Variants in PLEKHM3 observed in about 807,000 individuals in gnomAD.
PLEKHM3 encodes pleckstrin homology domain-containing family M member 3.
PLEKHM3 carries 45 observed loss-of-function variants against 81.8 expected under a neutral mutation model. That is an observed-to-expected ratio of 0.55 (90% CI 0.43 to 0.71). The LOEUF (loss-of-function observed/expected upper bound fraction) is 0.71. Among genes scored for constraint, PLEKHM3 ranks in the 30% least tolerant of loss-of-function variants. The pLI, the probability that PLEKHM3 is intolerant of heterozygous loss-of-function variation, is 0.00. For missense variants in PLEKHM3, 788 were observed against 924.3 expected, an observed-to-expected ratio of 0.85 and a Z score of 1.91; for synonymous variants, 352 against 356.4, an observed-to-expected ratio of 0.99 and a Z score of 0.14.
intron 2 of PLEKHM3, among the ~76,000 whole-genome samples, chr2:208,000,125 G>A (rs925944656): frequency 3.3e-5 from 5 of 152,198 alleles, no homozygotes; most frequent in African/African-American, 1.2e-4. Context: ...GCACACATAT[G>A]TGTATAAAGT....
chr2:207,908,597 G>A lies in PLEKHM3; in HGVS notation c.1887-20C>T. 2 of 1,589,228 alleles carry A rather than the reference G, an allele frequency of 1.3e-6. No homozygotes were observed. Among genetic ancestry groups the A allele is most frequent in the Non-Finnish European group, 1.7e-6 (2 of 1,160,358 alleles). Reference sequence around the variant, plus strand: ...AAAATTCTGAAAACAAGGGCAGATAGACAAGTGAACTGTGGTGCTGCCATA... The same window carrying A: ...AAAATTCTGAAAACAAGGGCAGATAAACAAGTGAACTGTGGTGCTGCCATA... On this transcript the variant is annotated intron_variant, in intron 5 of 7. Coordinates refer to ENST00000427836, the MANE Select transcript of PLEKHM3 (RefSeq NM_001080475.3).
chr2:207,884,303 C>G (rs1687816382), intron 6 of PLEKHM3, among the ~76,000 whole-genome samples: 1 of 152,148 alleles, frequency 6.6e-6, no homozygotes, highest in African/African-American at 2.4e-5. Context: ...GCTCTCACCA[C>G]ATCTATTCAG....
intron 6 of PLEKHM3, among the ~76,000 whole-genome samples, chr2:207,903,377 C>T (rs12993785): frequency 2.0e-5 from 3 of 151,756 alleles, no homozygotes; most frequent in East Asian, 1.9e-4. Context: ...GAGGGAGTAG[C>T]GGGGAGGGCC....
chr2:207,983,128 T>C (rs1158317652), intron 2 of PLEKHM3, among the ~76,000 whole-genome samples: 2 of 149,478 alleles, frequency 1.3e-5, no homozygotes, highest in Admixed American at 6.8e-5. Context: ...CTCGGCTTAC[T>C]GCCAGCTCCG....
At chr2:207,911,489 G>T (rs1688808045) in intron 5 of PLEKHM3, among the ~76,000 whole-genome samples, 1 of 152,098 alleles carries the variant, frequency 6.6e-6, no homozygotes, top group African/African-American at 2.4e-5. Flanking sequence ...CTTTATTCAG[G>T]TTTCACCAGT....
intron 2 of PLEKHM3, among the ~76,000 whole-genome samples, chr2:207,994,119 C>A (rs1394126985): frequency 2.0e-5 from 3 of 152,146 alleles, no homozygotes; most frequent in African/African-American, 7.2e-5. Flanking sequence ...AGTGGTTTTT[C>A]CAAACTTACA....
intron 5 of PLEKHM3, among the ~76,000 whole-genome samples, chr2:207,919,070 T>C (rs984364316): frequency 1.3e-5 from 2 of 152,026 alleles, no homozygotes; most frequent in Admixed American, 6.6e-5. Flanking sequence ...GATGCTTCAT[T>C]AAGTGATGGC....
At chr2:207,966,719 A>AT (rs906658088) in intron 3 of PLEKHM3, among the ~76,000 whole-genome samples, 1 of 151,080 alleles carries the variant, frequency 6.6e-6, no homozygotes, top group Non-Finnish European at 1.5e-5. Context: ...TGCCCGGCTA[A>AT]TTTTTTTTTA....
intron 1 of PLEKHM3, among the ~76,000 whole-genome samples, chr2:208,017,162 T>A (rs1310191540): frequency 6.6e-6 from 1 of 152,226 alleles, no homozygotes; most frequent in African/African-American, 2.4e-5. Flanking sequence ...AATCTGCTGA[T>A]GTGGATCCCA....
Position 207,916,322 on chromosome 2 carries a change from A to G in PLEKHM3, c.1887-7745T>C, listed in dbSNP as rs894954195. 7.9e-5 allele frequency among the ~76,000 whole-genome samples: 12 copies of G among 152,218 alleles called. 1 individual carries two copies. The highest frequency in any genetic ancestry group is 2.9e-4 in the African/African-American group (12 of 41,438). On this transcript the variant is annotated intron_variant, in intron 5 of 7. Coordinates refer to ENST00000427836, the MANE Select transcript of PLEKHM3 (RefSeq NM_001080475.3). ...TTAATTGTGAGTATTGTGGCATCTG[A>G]TTATAAAAATGATAGATTATATCAT... is the stretch of plus-strand genomic sequence containing the variant.
At chr2:207,880,124 A>G (rs2092578999) in intron 6 of PLEKHM3, among the ~76,000 whole-genome samples, 1 of 152,198 alleles carries the variant, frequency 6.6e-6, no homozygotes, top group African/African-American at 2.4e-5. Flanking sequence ...CAAACAATTC[A>G]GGCCGGGCAT....
intron 7 of PLEKHM3, among the ~76,000 whole-genome samples, chr2:207,841,302 T>A (rs1449407721): frequency 1.3e-5 from 2 of 150,760 alleles, no homozygotes; most frequent in East Asian, 4.0e-4. Context: ...CCATCTCTAC[T>A]AAAAATACAA....
intron 1 of PLEKHM3, among the ~76,000 whole-genome samples, chr2:208,016,668 A>ACACACACACACACAC (rs11436592): frequency 1.9e-4 from 12 of 61,556 alleles, no homozygotes; most frequent in South Asian, 4.2e-4. Flanking sequence ...AAAAAAAAAA[A>ACACACACACACACAC]ATACACACAC....
In PLEKHM3 at chr2:208,001,263, C is replaced by A. The variant is rs750548446; in HGVS notation, c.377G>T (p.Arg126Leu). 1 of 1,614,026 alleles carries A rather than the reference C, an allele frequency of 6.2e-7. No individual in the cohort carries two copies. Among genetic ancestry groups the A allele is most frequent in the African/African-American group, 1.3e-5 (1 of 74,906 alleles). The part of the protein sequence containing the change: ...TFNFFNICQR[R>L]RDRPRSVNDL... ...ATTTACAGAACGAGGCCGGTCCCTC[C>A]GACGCTGACAGATATTGAAGAAATT... Residue 126 changes from arginine to leucine, a missense_variant, in exon 2 of 8, where the codon CGG becomes CTG. Coordinates refer to ENST00000427836, the MANE Select transcript of PLEKHM3 (RefSeq NM_001080475.3).
rs1003119211 is a variant in PLEKHM3, at chr2:208,007,846, G to C, written c.-318-5889C>G. Among the ~76,000 whole-genome samples, 4 of 152,290 alleles carry C rather than the reference G, an allele frequency of 2.6e-5. No individual in the cohort carries two copies. In the South Asian group the frequency reaches 8.3e-4, roughly 32 times the overall value. ...CAAGGCGGGTGGATCACAAGGTCAGGAGATGGAGACCATCCTGGCTAACAT... is the reference window on the plus strand; with the variant it reads ...CAAGGCGGGTGGATCACAAGGTCAGCAGATGGAGACCATCCTGGCTAACAT... On this transcript the variant is annotated intron_variant, in intron 1 of 7. Coordinates refer to ENST00000427836, the MANE Select transcript of PLEKHM3 (RefSeq NM_001080475.3).
intron 3 of PLEKHM3, among the ~76,000 whole-genome samples, chr2:207,957,679 C>G (rs539738016): frequency 6.6e-6 from 1 of 152,046 alleles, no homozygotes; most frequent in South Asian, 2.1e-4. Context: ...GCCTAGGTGA[C>G]AGAGCGAGAC....
At chr2:207,908,614 G>T in intron 5 of PLEKHM3, 37 bp from the exon 6 acceptor site, 1 of 1,536,058 alleles carries the variant, frequency 6.5e-7, no homozygotes, top group African/African-American at 1.4e-5. Flanking sequence ...GAACTGTGGT[G>T]CTGCCATAAC....
At chr2:207,972,528 A>T (rs1244692440) in intron 3 of PLEKHM3, among the ~76,000 whole-genome samples, 1 of 150,464 alleles carries the variant, frequency 6.6e-6, no homozygotes, top group Non-Finnish European at 1.5e-5. Context: ...CGGAGGTTGC[A>T]GTGAGCCGAG....
chr2:207,890,343 T>C (rs771666105), intron 6 of PLEKHM3, among the ~76,000 whole-genome samples: 17 of 152,104 alleles, frequency 1.1e-4, no homozygotes, highest in Admixed American at 2.6e-4. Context: ...TACTAAAGAA[T>C]AGAGCTGGGC....
Sources: gnomAD v4.1 joint callset for allele counts (sites outside exome capture counted in the v4.1 genomes callset) on GRCh38, gnomAD v4.1.1 for gene constraint, MANE v1.5 for transcripts, NCBI Gene and HGNC (gene_info 2026-07-23, HGNC 2026-07-21) for gene names.